The following RNF20 variants were observed in gnomAD, a reference collection of about 807,000 sequenced individuals.
RNF20 encodes E3 ubiquitin-protein ligase BRE1A.
RNF20 carries 84 observed loss-of-function variants against 126.2 expected under a neutral mutation model. The ratio of observed to expected loss-of-function variants is 0.67; its 90% CI spans 0.56 to 0.80. RNF20 has a LOEUF of 0.80. Ranked by LOEUF, RNF20 falls within the 30% of genes least tolerant of loss-of-function variation. The pLI, the probability that RNF20 is intolerant of heterozygous loss-of-function variation, is 0.00. For missense variants in RNF20, 869 were observed against 1,188.2 expected, an observed-to-expected ratio of 0.73 and a Z score of 3.95; for synonymous variants, 400 against 414.3, an observed-to-expected ratio of 0.97 and a Z score of 0.42.
chr9:101,556,630 T>C (rs1176057408), intron 15 of RNF20, among the ~76,000 whole-genome samples: 1 of 152,170 alleles, frequency 6.6e-6, no homozygotes, highest in Non-Finnish European at 1.5e-5. Context: ...GTGGAGACCT[T>C]TCTATGAATA....
chr9:101,562,159 G>A, intron 19 of RNF20, 87 bp from the exon 20 acceptor site: 1 of 1,434,536 alleles, frequency 7.0e-7, no homozygotes. Context: ...TGCCTTGTGG[G>A]TTTTCTTCTT....
At chr9:101,538,713 C>T (rs1827219964) in intron 2 of RNF20, among the ~76,000 whole-genome samples, 1 of 152,086 alleles carries the variant, frequency 6.6e-6, no homozygotes, top group Admixed American at 6.5e-5. Context: ...AAACTGTTGA[C>T]TACTTTGGCA....
At chr9:101,535,807 T>C (rs1449214451) in intron 2 of RNF20, among the ~76,000 whole-genome samples, 3 of 152,360 alleles carry the variant, frequency 2.0e-5, no homozygotes, top group African/African-American at 7.2e-5. Flanking sequence ...CAACATTAAC[T>C]ATAGGTATTT....
chr9:101,561,735 C>T (rs1430181147), intron 18 of RNF20, among the ~76,000 whole-genome samples, 175 bp from the exon 19 acceptor site: 2 of 152,156 alleles, frequency 1.3e-5, no homozygotes, highest in Admixed American at 6.5e-5. Context: ...GTTGCCTCTT[C>T]TGAAACAAAA....
chr9:101,557,003 T>C (rs946568688), intron 15 of RNF20, among the ~76,000 whole-genome samples: 4 of 152,240 alleles, frequency 2.6e-5, no homozygotes, highest in African/African-American at 9.6e-5. Context: ...TACAAGGCTT[T>C]AGATGTTTGC....
At chr9:101,537,744 C>A (rs1419603618) in intron 2 of RNF20, among the ~76,000 whole-genome samples, 2 of 152,104 alleles carry the variant, frequency 1.3e-5, no homozygotes, top group Non-Finnish European at 1.5e-5. Flanking sequence ...CAAGAAGGAG[C>A]TGATTAGGTG....
At chr9:101,535,302 T>A in intron 1 of RNF20, 96 bp from the exon 2 acceptor site, 1 of 812,480 alleles carries the variant, frequency 1.2e-6, no homozygotes, top group Non-Finnish European at 1.9e-6. Context: ...GGTTAAAGGG[T>A]TGGCCAGAAA....
chr9:101,537,987 A>G (rs1827208898), intron 2 of RNF20, among the ~76,000 whole-genome samples: 1 of 152,198 alleles, frequency 6.6e-6, no homozygotes, highest in Non-Finnish European at 1.5e-5. Context: ...GTAGATGACT[A>G]TATAATGACT....
intron 5 of RNF20, 61 bp from the exon 6 acceptor site, chr9:101,544,706 T>TAAAA: frequency 2.2e-5 from 22 of 1,006,948 alleles, no homozygotes; most frequent in Non-Finnish European, 2.4e-5. Context: ...GACTCCGTCT[T>TAAAA]AAAAAAAAAA....
chr9:101,547,264 G>A (rs1448429799), intron 8 of RNF20, 50 bp downstream of exon 8: 1 of 1,604,254 alleles, frequency 6.2e-7, no homozygotes, highest in Non-Finnish European at 8.5e-7. Flanking sequence ...CAGCTTTCAT[G>A]CTTAGGTACT....
intron 10 of RNF20, 143 bp from the exon 11 acceptor site, chr9:101,551,541 C>G (rs537599088): frequency 5.8e-6 from 2 of 342,564 alleles, no homozygotes; most frequent in South Asian, 7.8e-5. Context: ...AGTATCCTGT[C>G]AGTTTCCAAA....
At chr9:101,560,053 T>G (rs761229478) in intron 16 of RNF20, among the ~76,000 whole-genome samples, 3 of 152,220 alleles carry the variant, frequency 2.0e-5, no homozygotes, top group Admixed American at 1.3e-4. Context: ...TAGATGGCTT[T>G]TATTACCTTA....
intron 16 of RNF20, 39 bp from the exon 17 acceptor site, chr9:101,560,762 T>A: frequency 3.8e-6 from 6 of 1,567,214 alleles, no homozygotes; most frequent in Non-Finnish European, 5.2e-6. Flanking sequence ...CTTTTTTTAA[T>A]CTTTTCATTT....
intron 16 of RNF20, 37 bp from the exon 17 acceptor site, chr9:101,560,763 CT>C (rs1281443185): frequency 4.5e-6 from 7 of 1,560,254 alleles, no homozygotes; most frequent in African/African-American, 4.2e-5. Flanking sequence ...TTTTTTTAAT[CT>C]TTTCATTTGT....
chr9:101,543,008 C>G (rs1031712303), intron 5 of RNF20, among the ~76,000 whole-genome samples: 1 of 152,178 alleles, frequency 6.6e-6, no homozygotes, highest in Non-Finnish European at 1.5e-5. Flanking sequence ...CCTCAAATTC[C>G]TAGGACATCA....
rs565532632 is a variant in RNF20 at position 101,555,757 on chromosome 9, G to C, written c.2169+914G>C. Among the ~76,000 whole-genome samples the C allele has an allele frequency of 3.1e-4, 46 of 150,562 alleles. No homozygotes were observed. The South Asian group carries it at 9.3e-3, about 30-fold the overall frequency. ...ACCTGAAGTCGGGAGTTCAAGACCAGCCTGACCAACATGGAGAAACCCCAT... is the reference window on the plus strand; with the variant it reads ...ACCTGAAGTCGGGAGTTCAAGACCACCCTGACCAACATGGAGAAACCCCAT... On this transcript the variant is annotated intron_variant, in intron 15 of 19. Coordinates refer to ENST00000389120, the MANE Select transcript of RNF20 (RefSeq NM_019592.7).
rs368551148 is a variant in RNF20 at position 101,560,977 on chromosome 9, T to G, written c.2508+51T>G. On this transcript the variant is annotated intron_variant, in intron 17 of 19. Transcript: ENST00000389120. ...TTAGTCTCAGTGGAACAAATAAGTA[T>G]AACACTGTTGAGATTGTAAGTTCGC... 1.1e-5 allele frequency: 18 copies of G among 1,602,394 alleles called. 1 individual carries two copies. The highest frequency in any genetic ancestry group is 3.3e-4 in the Middle Eastern group (2 of 5,990).
At chr9:101,555,182 CAT>C (rs1827513535) in intron 15 of RNF20, among the ~76,000 whole-genome samples, 1 of 151,660 alleles carries the variant, frequency 6.6e-6, no homozygotes, top group Non-Finnish European at 1.5e-5. Context: ...AAAAATAAGA[CAT>C]AAGATTTTAT....
intron 5 of RNF20, among the ~76,000 whole-genome samples, chr9:101,541,589 T>A (rs1827261029): frequency 6.6e-6 from 1 of 152,242 alleles, no homozygotes; most frequent in African/African-American, 2.4e-5. Flanking sequence ...ACAGCTCTAA[T>A]ATCTGGATCT....
Sources: gnomAD v4.1 joint callset for allele counts (sites outside exome capture counted in the v4.1 genomes callset) on GRCh38, gnomAD v4.1.1 for gene constraint, MANE v1.5 for transcripts, NCBI Gene and HGNC (gene_info 2026-07-23, HGNC 2026-07-21) for gene names.